MED15: variants seen among roughly 807,000 people sequenced by gnomAD.
MED15 encodes the protein mediator complex subunit 15.
In MED15, 41 loss-of-function variants were observed where a neutral mutation model predicts 118.7. The ratio of observed to expected loss-of-function variants is 0.35; its 90% CI spans 0.27 to 0.45. The LOEUF (loss-of-function observed/expected upper bound fraction) is 0.45, where lower values mean the gene tolerates loss of function less well. Ranked by LOEUF, MED15 falls within the 20% of genes least tolerant of loss-of-function variation. MED15 has a pLI of 1.00. For synonymous variants in MED15, 436 were observed against 413.9 expected (o/e 1.05, Z -0.65); for missense variants, 740 against 1,025.5 (o/e 0.72, Z 3.80).
intron 1 of MED15, among the ~76,000 whole-genome samples, chr22:20,511,710 C>T (rs901139391): frequency 1.1e-4 from 16 of 151,958 alleles, no homozygotes; most frequent in African/African-American, 3.9e-4. Context: ...CCTCTTAGCC[C>T]TCCACTGCCT....
intron 9 of MED15, among the ~76,000 whole-genome samples, chr22:20,577,114 A>C (rs922470658): frequency 1.3e-5 from 2 of 152,180 alleles, no homozygotes; most frequent in Non-Finnish European, 2.9e-5. Flanking sequence ...TTACAGACTA[A>C]GAGTGCCCCC....
intron 1 of MED15, among the ~76,000 whole-genome samples, chr22:20,524,826 C>A (rs1161051089): frequency 6.6e-6 from 1 of 151,674 alleles, no homozygotes; most frequent in South Asian, 2.1e-4. Context: ...TTAGTAGAGA[C>A]GGGATTTCGA....
In MED15 at chr22:20,587,565, T is replaced by G; in HGVS notation, c.*861T>G. Reference sequence around the variant, plus strand: ...CTCTGGTGAGAAGAGGTCCCCCCTTTTTATGTGCACTACCCCACCATCTGT... The same window carrying G: ...CTCTGGTGAGAAGAGGTCCCCCCTTGTTATGTGCACTACCCCACCATCTGT... On this transcript the variant is annotated 3_prime_UTR_variant, in exon 18 of 18. Coordinates refer to ENST00000263205, the MANE Select transcript of MED15 (RefSeq NM_001003891.3). 2.6e-6 allele frequency: 1 copy of G among 389,696 alleles called. No individual in the cohort carries two copies. The highest frequency in any genetic ancestry group is 4.4e-6 in the Non-Finnish European group (1 of 228,940). 24.1% of individuals were successfully genotyped at this position (389,696 alleles called of 1,614,324 possible).
intron 4 of MED15, among the ~76,000 whole-genome samples, chr22:20,553,964 C>A (rs893694157): frequency 6.6e-6 from 1 of 152,232 alleles, no homozygotes; most frequent in Non-Finnish European, 1.5e-5. Context: ...GCTGACTAAG[C>A]TGCAAGGGAA....
Position 20,519,475 on chromosome 22 carries a change from G to A in MED15, c.68+11729G>A, listed in dbSNP as rs536616259. 5.6e-5 allele frequency among the ~76,000 whole-genome samples: 8 copies of A among 143,802 alleles called. No individual in the cohort carries two copies. In the East Asian group the frequency reaches 1.6e-3, roughly 29 times the overall value. The allele number at this position is 143,802 out of a possible 152,430, so 94.3% of individuals were successfully genotyped here. On this transcript the variant is annotated intron_variant, in intron 1 of 17. Transcript: ENST00000263205. ...TTTCTTGAGACAGTCTTGCTCTGTT[G>A]CCCAGGCTGGAGTGCAGTGGCCTGA...
chr22:20,538,690 T>C (rs1044850647), intron 2 of MED15, among the ~76,000 whole-genome samples: 1 of 151,440 alleles, frequency 6.6e-6, no homozygotes, highest in African/African-American at 2.4e-5. Flanking sequence ...GTACAACATA[T>C]GGGTTTTTTT....
chr22:20,520,238 T>C (rs2054398785), intron 1 of MED15, among the ~76,000 whole-genome samples: 1 of 152,218 alleles, frequency 6.6e-6, no homozygotes, highest in South Asian at 2.1e-4. Context: ...AAGAAGTGAC[T>C]CATCCCACGT....
At chr22:20,563,914 A>G (rs1490003420) in intron 5 of MED15, among the ~76,000 whole-genome samples, 1 of 152,228 alleles carries the variant, frequency 6.6e-6, no homozygotes, top group Non-Finnish European at 1.5e-5. Context: ...AAAATCTTGT[A>G]ATTGACTGTT....
intron 2 of MED15, chr22:20,551,027 G>A (rs2055750494): frequency 2.9e-5 from 12 of 418,258 alleles, no homozygotes; most frequent in South Asian, 2.0e-4. Context: ...CTTCTTTACA[G>A]ATAGTGCAAA....
intron 1 of MED15, among the ~76,000 whole-genome samples, chr22:20,510,515 A>G (rs1436418191): frequency 6.6e-6 from 1 of 152,148 alleles, no homozygotes; most frequent in Non-Finnish European, 1.5e-5. Context: ...GGCAGGGTGC[A>G]TTTCTTACTG....
Position 20,586,840 on chromosome 22 carries a change from A to G in MED15, c.*136A>G, listed in dbSNP as rs1339703680. ...CCTGCTTTTATCTTCTGCCTTGGGGACCTGCCAAACGAAATCCCACACCTG... is the reference window on the plus strand; with the variant it reads ...CCTGCTTTTATCTTCTGCCTTGGGGGCCTGCCAAACGAAATCCCACACCTG... On this transcript the variant is annotated 3_prime_UTR_variant, in exon 18 of 18. Coordinates refer to ENST00000263205, the MANE Select transcript of MED15 (RefSeq NM_001003891.3). The G allele has an allele frequency of 4.6e-6, 6 of 1,315,628 alleles. No homozygotes were observed. In the East Asian group the frequency reaches 7.6e-5, roughly 17 times the overall value. 81.5% of individuals were successfully genotyped at this position (1,315,628 alleles called of 1,614,324 possible). A position where few individuals can be genotyped will look rare whatever the true frequency, so the allele number is the denominator to read the frequency against.
Position 20,553,149 on chromosome 22 carries a change from C to T in MED15, c.213C>T (p.Asn71=). The T allele has an allele frequency of 6.2e-7, 1 of 1,610,594 alleles. No individual in the cohort carries two copies. Among genetic ancestry groups the T allele is most frequent in the Non-Finnish European group, 8.5e-7 (1 of 1,177,938 alleles). ...RLIIHFRDIH[N]KKSQASVSDP... ...TTTGTTTGTGTTTTCATATAGATAA[C>T]AAGAAATCTCAAGCTTCCGTCAGTG... The change falls in exon 4 of 18, where the codon AAC becomes AAT. Residue 71 remains asparagine, a synonymous_variant. Transcript: ENST00000263205.
chr22:20,576,085 A>G (rs1259859998), intron 9 of MED15, among the ~76,000 whole-genome samples: 1 of 152,224 alleles, frequency 6.6e-6, no homozygotes. Flanking sequence ...GAATTACTCC[A>G]TGGCATAGTC....
intron 5 of MED15, among the ~76,000 whole-genome samples, chr22:20,564,096 G>A (rs2056343148): frequency 6.6e-6 from 1 of 152,132 alleles, no homozygotes; most frequent in African/African-American, 2.4e-5. Context: ...AGTCACAAAA[G>A]AGCACATGTT....
At chr22:20,534,828 A>T (rs1429944051) in intron 1 of MED15, among the ~76,000 whole-genome samples, 3 of 152,062 alleles carry the variant, frequency 2.0e-5, no homozygotes, top group Non-Finnish European at 4.4e-5. Flanking sequence ...ATCCTCCTGG[A>T]TTGTTAACTC....
At position 20,516,615 on chromosome 22, in the gene MED15, TGCTGTG is replaced by T. The variant is rs138711195; in HGVS notation, c.68+8878_68+8883del. On this transcript the variant is annotated intron_variant, in intron 1 of 17. Coordinates refer to ENST00000263205, the MANE Select transcript of MED15 (RefSeq NM_001003891.3). ...TTCCAGCTATTACTGGTGTTTGTGATGCTGTGGCTGTGGCCAGTCAAGGACCCATGC... is the reference window on the plus strand; with the variant it reads ...TTCCAGCTATTACTGGTGTTTGTGATGCTGTGGCCAGTCAAGGACCCATGC... Among the ~76,000 whole-genome samples the T allele has an allele frequency of 2.7e-3, 407 of 152,188 alleles. 1 individual carries two copies. Among genetic ancestry groups the T allele is most frequent in the African/African-American group, 8.4e-3 (349 of 41,512 alleles).
At chr22:20,528,469 G>A (rs1233026645) in intron 1 of MED15, among the ~76,000 whole-genome samples, 1 of 152,172 alleles carries the variant, frequency 6.6e-6, no homozygotes, top group Non-Finnish European at 1.5e-5. Context: ...AGTGGGGTTC[G>A]TGCTCCTATG....
At chr22:20,539,395 G>A (rs1483543101) in intron 2 of MED15, among the ~76,000 whole-genome samples, 3 of 152,220 alleles carry the variant, frequency 2.0e-5, no homozygotes, top group African/African-American at 7.2e-5. Flanking sequence ...ACAGACGTGA[G>A]CCACCGTGCC....
At chr22:20,527,424 T>C in intron 1 of MED15, among the ~76,000 whole-genome samples, 2 of 151,608 alleles carry the variant, frequency 1.3e-5, no homozygotes, top group Middle Eastern at 3.4e-3. Flanking sequence ...TGTAGTATAA[T>C]ATTTATATAT....
Sources: allele counts gnomAD v4.1 joint callset (sites outside exome capture counted in the v4.1 genomes callset), GRCh38; gene constraint gnomAD v4.1.1; transcripts MANE v1.5; gene names NCBI Gene and HGNC (gene_info 2026-07-23, HGNC 2026-07-21).